BRDT: variants seen among roughly 807,000 people sequenced by gnomAD.
BRDT encodes the protein bromodomain testis-specific protein.
A neutral mutation model predicts 113.9 loss-of-function variants in BRDT; 77 were observed. The ratio of observed to expected loss-of-function variants is 0.68; its 90% CI spans 0.56 to 0.82. The LOEUF (loss-of-function observed/expected upper bound fraction) is 0.82. Among genes scored for constraint, BRDT ranks in the 40% least tolerant of loss-of-function variants. BRDT has a pLI of 0.00. For missense variants in BRDT, 1,027 were observed against 1,105.4 expected, an observed-to-expected ratio of 0.93 and a Z score of 1.01; for synonymous variants, 358 against 366.5, an observed-to-expected ratio of 0.98 and a Z score of 0.26.
intron 18 of BRDT, among the ~76,000 whole-genome samples, chr1:92,008,859 T>C (rs1687559511): frequency 6.6e-6 from 1 of 152,218 alleles, no homozygotes. Flanking sequence ...AAATTAATTA[T>C]CTTAATTGAC....
At chr1:92,006,766 C>A (rs12758073) in intron 18 of BRDT, among the ~76,000 whole-genome samples, 1 of 151,872 alleles carries the variant, frequency 6.6e-6, no homozygotes, top group Non-Finnish European at 1.5e-5. Context: ...CATGCCCAGC[C>A]TGTTTTTTAT....
At chr1:91,979,153 G>C (rs1176787304) in intron 7 of BRDT, among the ~76,000 whole-genome samples, 1 of 139,596 alleles carries the variant, frequency 7.2e-6, no homozygotes, top group African/African-American at 2.7e-5. Flanking sequence ...CGTTCTTGTT[G>C]CCCAGGCTGG....
intron 8 of BRDT, 56 bp from the exon 9 acceptor site, chr1:91,980,587 A>G: frequency 7.6e-7 from 1 of 1,309,862 alleles, no homozygotes; most frequent in Non-Finnish European, 9.9e-7. Flanking sequence ...ATTTTTTTCT[A>G]GTTTCTTTAA....
chr1:92,009,473 G>T (rs1335199219), intron 18 of BRDT, among the ~76,000 whole-genome samples: 1 of 150,720 alleles, frequency 6.6e-6, no homozygotes, highest in Non-Finnish European at 1.5e-5. Flanking sequence ...GGACATCTTG[G>T]TTGCCTCCAA....
At chr1:92,000,992 A>G (rs907684170) in intron 15 of BRDT, among the ~76,000 whole-genome samples, 1 of 152,196 alleles carries the variant, frequency 6.6e-6, no homozygotes, top group African/African-American at 2.4e-5. Flanking sequence ...TCCTCACCTC[A>G]GAGTCAGACT....
At chr1:91,992,361 C>T in intron 14 of BRDT, 47 bp downstream of exon 14, 1 of 966,568 alleles carries the variant, frequency 1.0e-6, no homozygotes, top group Non-Finnish European at 1.4e-6. Flanking sequence ...AAATGGTTTA[C>T]ATATAGATTA....
At chr1:91,985,936 C>G in intron 12 of BRDT, among the ~76,000 whole-genome samples, 1 of 152,276 alleles carries the variant, frequency 6.6e-6, no homozygotes, top group East Asian at 1.9e-4. Flanking sequence ...CCGCGCCCGG[C>G]CCAAATCCTT....
chr1:91,984,365 A>G (rs1685005414), intron 12 of BRDT, among the ~76,000 whole-genome samples: 1 of 152,136 alleles, frequency 6.6e-6, no homozygotes, highest in South Asian at 2.1e-4. Flanking sequence ...AGCCCTGAAA[A>G]TTGTGAAAAA....
chr1:91,958,891 CA>C (rs761899176), intron 1 of BRDT, among the ~76,000 whole-genome samples: 1 of 151,526 alleles, frequency 6.6e-6, no homozygotes, highest in East Asian at 1.9e-4. Context: ...CCCATCTATA[CA>C]AAAAAAATGA....
intron 1 of BRDT, among the ~76,000 whole-genome samples, 193 bp from the exon 2 acceptor site, chr1:91,962,525 G>T (rs570685269): frequency 9.3e-4 from 142 of 151,982 alleles, no homozygotes; most frequent in Non-Finnish European, 1.6e-3. Flanking sequence ...GTAGAGACAG[G>T]GTTTCACTAC....
chr1:91,993,753 A>C (rs1313511655), intron 14 of BRDT, among the ~76,000 whole-genome samples: 1 of 152,194 alleles, frequency 6.6e-6, no homozygotes, highest in South Asian at 2.1e-4. Context: ...TAGTAATTAC[A>C]GGAAAGCTTT....
At position 91,991,241 on chromosome 1, in the gene BRDT, T is replaced by G. The variant is rs138555390; in HGVS notation, c.2060T>G (p.Val687Gly). Reference protein sequence around the residue: ...KPNDSPSKENVKKMKNECIPP... With the variant: ...KPNDSPSKENGKKMKNECIPP... ...AATGATTCTCCTTCTAAAGAGAATG[T>G]AAAGGTAAGTGAATTCTTTATTTGT... Residue 687 changes from valine (V) to glycine (G), a missense_variant, in exon 13 of 19, where the codon GTA (valine) becomes GGA (glycine). Coordinates refer to ENST00000399546, the MANE Select transcript of BRDT (RefSeq NM_207189.4). The G allele has an allele frequency of 4.6e-6, 7 of 1,527,634 alleles. No individual in the cohort carries two copies. In the Admixed American group the frequency reaches 5.4e-5, roughly 12 times the overall value. 94.6% of individuals were successfully genotyped at this position (1,527,634 alleles called of 1,614,324 possible). A position where few individuals can be genotyped will look rare whatever the true frequency, so the allele number is the denominator to read the frequency against.
chr1:91,971,680 T>C (rs1683637848), intron 4 of BRDT, among the ~76,000 whole-genome samples: 1 of 152,340 alleles, frequency 6.6e-6, no homozygotes, highest in Admixed American at 6.5e-5. Flanking sequence ...GGAATTAATA[T>C]TCTAGTAGTA....
At chr1:91,955,034 A>T (rs991725933) in intron 1 of BRDT, among the ~76,000 whole-genome samples, 37 of 152,194 alleles carry the variant, frequency 2.4e-4, no homozygotes, top group African/African-American at 8.4e-4. Flanking sequence ...TATAATGGTA[A>T]CTCTGTACTT....
intron 1 of BRDT, among the ~76,000 whole-genome samples, chr1:91,951,163 C>A (rs1437938874): frequency 6.6e-6 from 1 of 152,140 alleles, no homozygotes; most frequent in Non-Finnish European, 1.5e-5. Flanking sequence ...ACTACAGATA[C>A]CCTGCCTCAC....
rs1476027827 is a variant in BRDT, at chr1:92,005,298, C to T, written c.2774C>T (p.Ala925Val). ...QKEQERRRRE[A>V]MVGTIDMTLQ... ...GAACAAGAGAGGAGGAGGAGAGAAG[C>T]AGTAAGTGAATTTTAGTTTACTAAA... The change falls in exon 18 of 19, where the codon GCA becomes GTA. Residue 925 changes from alanine (A) to valine (V), a missense_variant and splice_region_variant. Transcript: ENST00000399546. 6.5e-7 allele frequency: 1 copy of T among 1,535,334 alleles called. No individual in the cohort carries two copies.
intron 12 of BRDT, among the ~76,000 whole-genome samples, chr1:91,985,859 C>T (rs919060945): frequency 6.6e-6 from 1 of 150,628 alleles, no homozygotes; most frequent in Non-Finnish European, 1.5e-5. Context: ...AGGATGGTCT[C>T]GATCTCCTGA....
intron 1 of BRDT, among the ~76,000 whole-genome samples, chr1:91,953,712 T>C (rs766666): frequency 0.71 from 108,671 of 152,030 alleles, 39,877 homozygotes; most frequent in Middle Eastern, 0.82. Flanking sequence ...TGAGAGTTAT[T>C]GAGTGGGCAA....
At chr1:91,993,992 A>T in intron 14 of BRDT, 91 bp from the exon 15 acceptor site, 1 of 1,047,066 alleles carries the variant, frequency 9.6e-7, no homozygotes, top group East Asian at 2.7e-5. Context: ...GGTAGCATTA[A>T]ATTATATTCT....
Sources: allele counts gnomAD v4.1 joint callset (sites outside exome capture counted in the v4.1 genomes callset), GRCh38; gene constraint gnomAD v4.1.1; transcripts MANE v1.5; gene names NCBI Gene and HGNC (gene_info 2026-07-23, HGNC 2026-07-21).